Variants in TOR1AIP2 observed in about 807,000 individuals in gnomAD.
TOR1AIP2 encodes the protein torsin 1A interacting protein 2, also known as torsin-1A-interacting protein 2.
Under a neutral mutation model 32.6 loss-of-function variants are expected in TOR1AIP2, and 20 were observed. The ratio of observed to expected loss-of-function variants is 0.61; its 90% CI spans 0.43 to 0.89. TOR1AIP2 has a LOEUF of 0.89. Among genes scored for constraint, TOR1AIP2 ranks in the 40% least tolerant of loss-of-function variants. The pLI is 0.00. For missense variants in TOR1AIP2, 456 were observed against 553.8 expected, an observed-to-expected ratio of 0.82 and a Z score of 1.77; for synonymous variants, 214 against 210.8, an observed-to-expected ratio of 1.02 and a Z score of -0.13.
At chr1:179,859,001 C>T (rs1426265818) in intron 3 of TOR1AIP2, 3 of 975,576 alleles carry the variant, frequency 3.1e-6, no homozygotes, top group East Asian at 2.3e-4. Flanking sequence ...GATATAAATG[C>T]CATCATGACA....
At chr1:179,862,418 TA>T in intron 3 of TOR1AIP2, 2 of 984,874 alleles carry the variant, frequency 2.0e-6, no homozygotes, top group Non-Finnish European at 2.4e-6. Flanking sequence ...GAGTTAGTGA[TA>T]AACTAACTAG....
Position 179,851,123 on chromosome 1 carries a change from T to C in TOR1AIP2, c.275A>G (p.Gln92Arg), listed in dbSNP as rs1453032200. ...CCCTTTTCCGCCATCCAGAAAACTC[T>C]GCTTGTTCTCATCTTCTGTTTTATC... ...PKDKTEDENK[Q>R]SFLDGGKGHH... The change falls in exon 5 of 7, where the codon CAG becomes CGG. Residue 92 changes from glutamine to arginine, a missense_variant. Coordinates refer to ENST00000609928, the MANE Select transcript of TOR1AIP2 (RefSeq NM_001199260.2). 3.1e-6 allele frequency: 5 copies of C among 1,614,100 alleles called. No individual in the cohort carries two copies. In the South Asian group the frequency reaches 3.3e-5, roughly 11 times the overall value.
intron 6 of TOR1AIP2, 73 bp downstream of exon 6, chr1:179,847,462 A>G (rs534970796): frequency 1.4e-5 from 14 of 972,274 alleles, no homozygotes; most frequent in Non-Finnish European, 2.0e-5. Flanking sequence ...TAAATCTGCT[A>G]GTTTTCTAGG....
intron 3 of TOR1AIP2, chr1:179,862,502 A>G (rs1696582934): frequency 3.0e-6 from 3 of 985,476 alleles, no homozygotes; most frequent in South Asian, 9.4e-5. Flanking sequence ...TGTAAGAGAC[A>G]TAAGGCAGAT....
At chr1:179,865,132 C>T in intron 3 of TOR1AIP2, 1 of 1,612,916 alleles carries the variant, frequency 6.2e-7, no homozygotes, top group Non-Finnish European at 8.5e-7. Context: ...AACTAGGGAA[C>T]CACTGTTGTC....
intron 5 of TOR1AIP2, among the ~76,000 whole-genome samples, chr1:179,849,239 A>G (rs532668354): frequency 3.3e-4 from 50 of 152,308 alleles, no homozygotes; most frequent in African/African-American, 1.1e-3. Flanking sequence ...ATTGCTTTCC[A>G]TACATAAACT....
chr1:179,847,820 G>A (rs191326915), intron 5 of TOR1AIP2, among the ~76,000 whole-genome samples, 184 bp from the exon 6 acceptor site: 21 of 152,160 alleles, frequency 1.4e-4, no homozygotes, highest in Admixed American at 9.8e-4. Context: ...GCTCACTTGG[G>A]GTCAGGAGTT....
intron 3 of TOR1AIP2, chr1:179,860,263 G>A (rs1481374800): frequency 1.6e-5 from 15 of 936,214 alleles, no homozygotes; most frequent in South Asian, 5.0e-5. Flanking sequence ...TGAGAGGATC[G>A]CTTGAGGCCA....
At chr1:179,851,480 T>A (rs1391835326) in intron 4 of TOR1AIP2, 117 bp from the exon 5 acceptor site, 1 of 757,814 alleles carries the variant, frequency 1.3e-6, no homozygotes, top group East Asian at 3.1e-5. Flanking sequence ...TACAAGACAC[T>A]TCCTAAACAT....
rs773839681 is a variant in TOR1AIP2 at position 179,850,848 on chromosome 1, G to T, written c.550C>A (p.Pro184Thr). 2.0e-5 allele frequency: 33 copies of T among 1,612,354 alleles called. No homozygotes were observed. The highest frequency in any genetic ancestry group is 2.7e-5 in the Non-Finnish European group (32 of 1,178,936). ...EDTLRRRLLAPEAGSHPQQTQ... is the reference protein window; with the variant it reads ...EDTLRRRLLATEAGSHPQQTQ... ...GTAGTTCAGGGGGTTCTCTTACCTG[G>T]GGCCAGCAGTCGCCTCCTCAGTGTA... Residue 184 changes from proline (P) to threonine (T), a missense_variant, in exon 5 of 7, where the codon CCA becomes ACA. Coordinates refer to ENST00000609928, the MANE Select transcript of TOR1AIP2 (RefSeq NM_001199260.2).
chr1:179,843,467 C>T lies in TOR1AIP2; in HGVS notation c.*2604G>A, dbSNP rs1453343897. On this transcript the variant is annotated 3_prime_UTR_variant, in exon 7 of 7. Transcript: ENST00000609928. ...GTTACAGTGAGATGAGATTGTGCCA[C>T]TGCACTGCATTCCAGCCTGGGTGAC... 3 of 146,192 alleles carry T rather than the reference C, an allele frequency of 2.1e-5. No homozygotes were observed. Among genetic ancestry groups the T allele is most frequent in the African/African-American group, 7.7e-5 (3 of 38,820 alleles). 9.1% of individuals were successfully genotyped at this position (146,192 alleles called of 1,614,324 possible). A position where few individuals can be genotyped will look rare whatever the true frequency, so the allele number is the denominator to read the frequency against.
At chr1:179,853,384 T>C (rs1336858963) in intron 3 of TOR1AIP2, among the ~76,000 whole-genome samples, 1 of 152,202 alleles carries the variant, frequency 6.6e-6, no homozygotes, top group African/African-American at 2.4e-5. Context: ...TACAATGCCT[T>C]TTTATGCAAT....
In TOR1AIP2 at chr1:179,861,690, T is replaced by C. The variant is rs569858563; in HGVS notation, c.-147+3746A>G. On this transcript the variant is annotated intron_variant, in intron 3 of 6. Coordinates refer to ENST00000609928, the MANE Select transcript of TOR1AIP2 (RefSeq NM_001199260.2). Reference sequence around the variant, plus strand: ...GTCTGACATGAAATCTCTTTTTACATAGCCAGTATTACCAAATAAATGGTA... The same window carrying C: ...GTCTGACATGAAATCTCTTTTTACACAGCCAGTATTACCAAATAAATGGTA... 1.9e-4 allele frequency: 185 copies of C among 985,424 alleles called. No individual in the cohort carries two copies. The South Asian group carries it at 1.9e-3, about 10-fold the overall frequency. The allele number at this position is 985,424 out of a possible 1,614,324, so 61.0% of individuals were successfully genotyped here. A position where few individuals can be genotyped will look rare whatever the true frequency, so the allele number is the denominator to read the frequency against.
chr1:179,870,659 G>C (rs950534618), intron 2 of TOR1AIP2, among the ~76,000 whole-genome samples: 5 of 151,654 alleles, frequency 3.3e-5, no homozygotes, highest in South Asian at 4.2e-4. Flanking sequence ...CTGCCAAACA[G>C]AAGTTCTAAT....
At chr1:179,856,275 T>G (rs1167642398) in intron 3 of TOR1AIP2, among the ~76,000 whole-genome samples, 1 of 152,252 alleles carries the variant, frequency 6.6e-6, no homozygotes, top group Non-Finnish European at 1.5e-5. Context: ...TAGATTATCC[T>G]CAATAAACCT....
At chr1:179,863,709 AG>A in intron 3 of TOR1AIP2, 1 of 983,912 alleles carries the variant, frequency 1.0e-6, no homozygotes, top group Non-Finnish European at 1.2e-6. Context: ...GAGGATCGCA[AG>A]GGGGAAGGAC....
chr1:179,863,787 G>A, intron 3 of TOR1AIP2: 2 of 985,056 alleles, frequency 2.0e-6, no homozygotes, highest in Non-Finnish European at 2.4e-6. Context: ...TAGATACCTG[G>A]CATGTTAAGT....
intron 6 of TOR1AIP2, among the ~76,000 whole-genome samples, chr1:179,847,036 T>G (rs1695934036): frequency 6.6e-6 from 1 of 152,206 alleles, no homozygotes; most frequent in African/African-American, 2.4e-5. Context: ...GATATATCTG[T>G]TAAAAGATAA....
chr1:179,855,245 T>G (rs1229722739), intron 3 of TOR1AIP2, among the ~76,000 whole-genome samples: 2 of 152,096 alleles, frequency 1.3e-5, no homozygotes, highest in Non-Finnish European at 2.9e-5. Flanking sequence ...GTGACCCTAT[T>G]AAAAAATTTT....
Sources: allele counts gnomAD v4.1 joint callset (sites outside exome capture counted in the v4.1 genomes callset), GRCh38; gene constraint gnomAD v4.1.1; transcripts MANE v1.5; gene names NCBI Gene and HGNC (gene_info 2026-07-23, HGNC 2026-07-21).